Variants in AUTS2 observed in about 807,000 individuals in gnomAD.
AUTS2 encodes the protein activator of transcription and developmental regulator AUTS2.
In AUTS2, 17 loss-of-function variants were observed where a neutral mutation model predicts 112.4. The observed-to-expected ratio is 0.15, with a 90% CI of 0.10 to 0.23. The LOEUF (loss-of-function observed/expected upper bound fraction) is 0.23. Ranked by LOEUF, AUTS2 falls within the 10% of genes least tolerant of loss-of-function variation. The pLI is 1.00. For synonymous variants in AUTS2, 751 were observed against 702.7 expected (o/e 1.07, Z -1.09); for missense variants, 1,510 against 1,701.6 (o/e 0.89, Z 1.98).
At chr7:69,819,531 C>T (rs189504780) in intron 1 of AUTS2, among the ~76,000 whole-genome samples, 2 of 152,306 alleles carry the variant, frequency 1.3e-5, no homozygotes, top group Admixed American at 1.3e-4. Flanking sequence ...GAACTGATGA[C>T]AGGTGTATGC....
intron 1 of AUTS2, among the ~76,000 whole-genome samples, chr7:69,876,686 C>T (rs1793819691): frequency 6.6e-6 from 1 of 150,886 alleles, no homozygotes; most frequent in Non-Finnish European, 1.5e-5. Context: ...ACTGCATAAG[C>T]CACCTGATTG....
intron 1 of AUTS2, among the ~76,000 whole-genome samples, chr7:69,874,560 T>C (rs1276793800): frequency 6.6e-6 from 1 of 152,078 alleles, no homozygotes; most frequent in East Asian, 1.9e-4. Flanking sequence ...GAGGTCTGAA[T>C]TAAGGTAGTA....
At chr7:70,205,724 G>C (rs538470199) in intron 4 of AUTS2, among the ~76,000 whole-genome samples, 9 of 152,232 alleles carry the variant, frequency 5.9e-5, no homozygotes, top group African/African-American at 1.4e-4. Flanking sequence ...TTCTCAGAAC[G>C]TATGCCCATT....
chr7:69,983,714 A>G (rs926784695), intron 2 of AUTS2, among the ~76,000 whole-genome samples: 6 of 152,224 alleles, frequency 3.9e-5, no homozygotes, highest in African/African-American at 1.4e-4. Context: ...GGACAAAATC[A>G]ATGTTATGAA....
Position 70,238,746 on chromosome 7 carries a change from C to T in AUTS2, c.660+104175C>T, listed in dbSNP as rs1027664491. The stretch of plus-strand genomic sequence containing the variant: ...ATTGTCATTTTCCTCCTCTTCTTAG[C>T]TTTTCTCTTACAATCCCCCACCTTA... On this transcript the variant is annotated intron_variant, in intron 4 of 18. Transcript: ENST00000342771. Among the ~76,000 whole-genome samples the T allele has an allele frequency of 2.6e-5, 4 of 152,110 alleles. No homozygotes were observed. The East Asian group carries it at 5.8e-4, about 22-fold the overall frequency.
intron 4 of AUTS2, among the ~76,000 whole-genome samples, chr7:70,151,408 G>T (rs1387603877): frequency 6.6e-6 from 1 of 152,128 alleles, no homozygotes; most frequent in African/African-American, 2.4e-5. Flanking sequence ...ACATAGTAGG[G>T]TCTTGTCTCA....
chr7:69,931,161 T>A (rs1050450751), intron 2 of AUTS2, among the ~76,000 whole-genome samples: 1 of 151,866 alleles, frequency 6.6e-6, no homozygotes, highest in Non-Finnish European at 1.5e-5. Context: ...CTTTTTTACT[T>A]TCCAGTTTCC....
At chr7:70,702,578 G>T (rs1809516569) in intron 6 of AUTS2, among the ~76,000 whole-genome samples, 1 of 152,160 alleles carries the variant, frequency 6.6e-6, no homozygotes, top group Non-Finnish European at 1.5e-5. Flanking sequence ...CAGCTAAATG[G>T]GCATTTCTGA....
rs200432278 is a variant in AUTS2, at chr7:70,609,959, TTTGTTGTTGTTGTTGTTG to T, written c.691-88583_691-88566del. ...GCTGAATCATATGGAAGTTCTGTTT[TTTGTTGTTGTTGTTGTTG>T]TTGTTGTTGTTGTTGTTGTTGTTGT... On this transcript the variant is annotated intron_variant, in intron 5 of 18. Transcript: ENST00000342771. Among the ~76,000 whole-genome samples the T allele has an allele frequency of 4.6e-4, 56 of 122,970 alleles. No individual in the cohort carries two copies. The South Asian group carries it at 0.01, about 23-fold the overall frequency. 80.7% of individuals were successfully genotyped at this position (122,970 alleles called of 152,430 possible).
At chr7:70,559,578 C>A (rs1290669424) in intron 5 of AUTS2, among the ~76,000 whole-genome samples, 2 of 152,188 alleles carry the variant, frequency 1.3e-5, no homozygotes, top group Admixed American at 6.5e-5. Flanking sequence ...AAGTGATCCA[C>A]CTGCCTTGGC....
chr7:70,743,977 C>T (rs925117728), intron 6 of AUTS2, among the ~76,000 whole-genome samples: 1 of 151,332 alleles, frequency 6.6e-6, no homozygotes, highest in Non-Finnish European at 1.5e-5. Context: ...GGGGTAATCT[C>T]CCCCCACCCC....
chr7:70,283,353 ATTGAAT>A (rs1202320892), intron 4 of AUTS2, among the ~76,000 whole-genome samples: 4 of 152,316 alleles, frequency 2.6e-5, no homozygotes, highest in East Asian at 3.9e-4. Flanking sequence ...ACCATATTTC[ATTGAAT>A]TAAAAGTGCC....
At chr7:70,330,594 A>G (rs1312146287) in intron 4 of AUTS2, among the ~76,000 whole-genome samples, 2 of 152,136 alleles carry the variant, frequency 1.3e-5, no homozygotes, top group South Asian at 2.1e-4. Flanking sequence ...TTACAAGACT[A>G]TTTTGGCGAT....
intron 2 of AUTS2, among the ~76,000 whole-genome samples, chr7:70,053,473 C>A (rs774604224): frequency 1.3e-5 from 2 of 151,720 alleles, no homozygotes; most frequent in Non-Finnish European, 2.9e-5. Flanking sequence ...TCTTCTTTGG[C>A]ATTTGAAATT....
intron 4 of AUTS2, among the ~76,000 whole-genome samples, chr7:70,142,676 A>G (rs1344179023): frequency 2.0e-5 from 3 of 152,194 alleles, no homozygotes; most frequent in Non-Finnish European, 2.9e-5. Flanking sequence ...TTCCATAGCT[A>G]GTAGATTGAT....
intron 4 of AUTS2, among the ~76,000 whole-genome samples, chr7:70,393,355 T>C (rs1046226398): frequency 2.0e-5 from 3 of 152,224 alleles, no homozygotes; most frequent in Non-Finnish European, 4.4e-5. Context: ...GGTGTTTTAC[T>C]AACCAGCAGC....
At chr7:70,736,985 G>T (rs1331850327) in intron 6 of AUTS2, among the ~76,000 whole-genome samples, 2 of 152,138 alleles carry the variant, frequency 1.3e-5, no homozygotes, top group African/African-American at 4.8e-5. Context: ...CAACAGAAGG[G>T]ATCATTTCCC....
At chr7:70,431,015 T>C (rs1339634538) in intron 4 of AUTS2, among the ~76,000 whole-genome samples, 2 of 151,986 alleles carry the variant, frequency 1.3e-5, no homozygotes, top group East Asian at 3.9e-4. Flanking sequence ...TTTTTTGTAT[T>C]TTTAGTAGAG....
chr7:70,413,196 A>G (rs1794847691), intron 4 of AUTS2, among the ~76,000 whole-genome samples: 1 of 152,206 alleles, frequency 6.6e-6, no homozygotes, highest in Admixed American at 6.5e-5. Flanking sequence ...ATCTTTGCTC[A>G]TCTTCAAATA....
Sources: gnomAD v4.1 joint callset for allele counts (sites outside exome capture counted in the v4.1 genomes callset) on GRCh38, gnomAD v4.1.1 for gene constraint, MANE v1.5 for transcripts, NCBI Gene and HGNC (gene_info 2026-07-23, HGNC 2026-07-21) for gene names.